Variants in ACTR1A observed in about 807,000 individuals in gnomAD.
ACTR1A encodes actin related protein 1A.
ACTR1A carries 10 observed loss-of-function variants against 50.7 expected under a neutral mutation model. The observed-to-expected ratio is 0.20, with a 90% CI of 0.12 to 0.33. The LOEUF is 0.33. ACTR1A is among the 10% of genes least tolerant of loss of function. The pLI is 1.00. For synonymous variants in ACTR1A, 177 were observed against 184.2 expected (o/e 0.96, Z 0.32); for missense variants, 253 against 491.7 (o/e 0.51, Z 4.59).
Position 102,482,380 on chromosome 10 carries a change from T to A in ACTR1A, c.751-205A>T, listed in dbSNP as rs1020995210. 1.0e-5 allele frequency: 6 copies of A among 591,572 alleles called. No homozygotes were observed. The highest frequency in any genetic ancestry group is 1.8e-5 in the Non-Finnish European group (6 of 334,726). The allele number at this position is 591,572 out of a possible 1,614,324, so 36.6% of individuals were successfully genotyped here. A position where few individuals can be genotyped will look rare whatever the true frequency, so the allele number is the denominator to read the frequency against. The stretch of plus-strand genomic sequence containing the variant: ...GTGAGGGGAGGCTCCTATATTTCCT[T>A]CTCGCTCTGGCATTTTCCAGCCAAG... On this transcript the variant is annotated intron_variant, in intron 7 of 10. Coordinates refer to ENST00000369905, the MANE Select transcript of ACTR1A (RefSeq NM_005736.4). The surrounding 1 kb of genome is among the most constrained non-coding windows in gnomAD (Gnocchi z 5.6).
chr10:102,484,190 A>T lies in ACTR1A; in HGVS notation c.627T>A (p.Ser209=), dbSNP rs1164534085. 1.1e-5 allele frequency: 18 copies of T among 1,614,030 alleles called. No individual in the cohort carries two copies. In the Admixed American group the frequency reaches 2.8e-4, roughly 25 times the overall value. ...TTATGGCCTTGACAATCTCAAACTC[A>T]GAGGATGAGTGGAAGTCGTAGCCCT... ...RKEGYDFHSS[S]EFEIVKAIKE... is the part of the protein sequence containing the mutation. The change falls in exon 6 of 11, where the codon TCT becomes TCA. Residue 209 remains serine (S), a synonymous_variant. Transcript: ENST00000369905.
At chr10:102,484,123 C>T in intron 6 of ACTR1A, 37 bp downstream of exon 6, 1 of 1,604,936 alleles carries the variant, frequency 6.2e-7, no homozygotes, top group Non-Finnish European at 8.5e-7. Flanking sequence ...TGCTCCCAAC[C>T]CCCACTCCAT....
At chr10:102,500,768 C>CA (rs371610540) in intron 1 of ACTR1A, among the ~76,000 whole-genome samples, 1 of 150,976 alleles carries the variant, frequency 6.6e-6, no homozygotes, top group Non-Finnish European at 1.5e-5. Context: ...TCCACCCCCC[C>CA]ACACCAAAAA....
Position 102,479,374 on chromosome 10 carries a change from T to A in ACTR1A, c.*1489A>T, listed in dbSNP as rs577323520. 2.7e-6 allele frequency: 1 copy of A among 369,378 alleles called. No individual in the cohort carries two copies. The highest frequency in any genetic ancestry group is 2.0e-5 in the South Asian group (1 of 49,038). The allele number at this position is 369,378 out of a possible 1,614,324, so 22.9% of individuals were successfully genotyped here. A position where few individuals can be genotyped will look rare whatever the true frequency, so the allele number is the denominator to read the frequency against. ...GCACTGCAGTCCGCGGGGCGCTACG[T>A]TGCTTTCACACATACCTGCTGCTGT... On this transcript the variant is annotated 3_prime_UTR_variant, in exon 11 of 11. Transcript: ENST00000369905. The surrounding 1 kb of genome is among the most constrained non-coding windows in gnomAD (Gnocchi z 4.0).
intron 1 of ACTR1A, among the ~76,000 whole-genome samples, chr10:102,498,695 A>G (rs1417386861): frequency 6.6e-6 from 1 of 151,656 alleles, no homozygotes; most frequent in Non-Finnish European, 1.5e-5. Context: ...CTGGTCTCCA[A>G]TTCCTGGGCT....
chr10:102,496,167 G>A (rs2135588705), intron 1 of ACTR1A, among the ~76,000 whole-genome samples: 1 of 152,250 alleles, frequency 6.6e-6, no homozygotes, highest in Non-Finnish European at 1.5e-5. Context: ...GGATGGTCTC[G>A]ATCTCCTGAC....
intron 1 of ACTR1A, among the ~76,000 whole-genome samples, chr10:102,497,921 C>T (rs1193572787): frequency 1.7e-5 from 2 of 118,688 alleles, no homozygotes; most frequent in African/African-American, 3.1e-5. Context: ...AGGGAGACCC[C>T]ATTTCTACAA....
rs1224499743 is a variant in ACTR1A at position 102,484,252 on chromosome 10, C to T, written c.565G>A (p.Asp189Asn). The change falls in exon 6 of 11, where the codon GAC becomes AAC. Residue 189 changes from aspartate to asparagine, a missense_variant. Asp to Asn is a conservative substitution (Grantham distance 23). This residue lies in a region of ACTR1A where 116 missense variants were observed against 155.9 expected (regional missense o/e 0.74). Transcript: ENST00000369905. The stretch of plus-strand genomic sequence containing the variant: ...TAGAGGCGCAGGAAGCGAGAGACGT[C>T]CCGGCCCGCGATGTCGATGCGCATG... ...SIMRIDIAGR[D>N]VSRFLRLYLR... 2.5e-6 allele frequency: 4 copies of T among 1,614,106 alleles called. No individual in the cohort carries two copies. Among genetic ancestry groups the T allele is most frequent in the Non-Finnish European group, 2.5e-6 (3 of 1,180,044 alleles).
chr10:102,481,055 T>C (rs541379256), intron 10 of ACTR1A, 77 bp downstream of exon 10: 1 of 1,588,802 alleles, frequency 6.3e-7, no homozygotes, highest in Admixed American at 1.7e-5. Flanking sequence ...CAAATCAGGC[T>C]TTTCTTTAGA....
At chr10:102,491,682 C>G (rs1374559808) in intron 1 of ACTR1A, among the ~76,000 whole-genome samples, 1 of 152,192 alleles carries the variant, frequency 6.6e-6, no homozygotes, top group Non-Finnish European at 1.5e-5. Flanking sequence ...AGGGCCCAAT[C>G]AATGTAAACA....
intron 8 of ACTR1A, 37 bp from the exon 9 acceptor site, chr10:102,481,935 CAG>C: frequency 6.2e-7 from 1 of 1,613,604 alleles, no homozygotes. Context: ...AGTCAATTCT[CAG>C]GGTGCCTGGA....
rs2062134827 is a variant in ACTR1A at position 102,480,740 on chromosome 10, C to T, written c.*123G>A. 4 of 826,430 alleles carry T rather than the reference C, an allele frequency of 4.8e-6. No individual in the cohort carries two copies. Among genetic ancestry groups the T allele is most frequent in the East Asian group, 4.9e-5 (2 of 41,078 alleles). The allele number at this position is 826,430 out of a possible 1,614,324, so 51.2% of individuals were successfully genotyped here. A position where few individuals can be genotyped will look rare whatever the true frequency, so the allele number is the denominator to read the frequency against. ...CAGGGCCACACGGCACTCGCATGTG[C>T]ACACACACTCATATCCACACACGCA... On this transcript the variant is annotated 3_prime_UTR_variant, in exon 11 of 11. Coordinates refer to ENST00000369905, the MANE Select transcript of ACTR1A (RefSeq NM_005736.4).
chr10:102,497,646 A>T (rs2062228643), intron 1 of ACTR1A, among the ~76,000 whole-genome samples: 1 of 134,338 alleles, frequency 7.4e-6, no homozygotes, highest in Admixed American at 7.6e-5. Flanking sequence ...GGTGGAAAGG[A>T]GCACAATTTT....
intron 1 of ACTR1A, among the ~76,000 whole-genome samples, chr10:102,498,876 CTA>C (rs1356303213): frequency 6.6e-6 from 1 of 152,142 alleles, no homozygotes; most frequent in Non-Finnish European, 1.5e-5. Flanking sequence ...ACACTATTCT[CTA>C]TGTCTTTGGG....
chr10:102,483,458 C>A, intron 6 of ACTR1A: 1 of 202,008 alleles, frequency 5.0e-6, no homozygotes, highest in Admixed American at 5.7e-5. Flanking sequence ...TCCCTATAGC[C>A]ACAGGTGGCA....
intron 1 of ACTR1A, among the ~76,000 whole-genome samples, chr10:102,494,993 T>C (rs950762266): frequency 2.6e-5 from 4 of 151,928 alleles, no homozygotes; most frequent in East Asian, 2.0e-4. Flanking sequence ...GTATTTTTAG[T>C]GTAGAGGGGG....
intron 1 of ACTR1A, among the ~76,000 whole-genome samples, chr10:102,501,248 GCTC>G (rs776908007): frequency 1.3e-5 from 2 of 152,152 alleles, no homozygotes; most frequent in African/African-American, 2.4e-5. Flanking sequence ...CTGATGACTG[GCTC>G]CTCAATTCCT....
chr10:102,501,835 A>C (rs541594260), intron 1 of ACTR1A, among the ~76,000 whole-genome samples: 3 of 152,208 alleles, frequency 2.0e-5, no homozygotes, highest in Non-Finnish European at 4.4e-5. Context: ...TAAGTTTGGT[A>C]ATTTTTTCCC....
At chr10:102,489,990 C>T (rs560626155) in intron 2 of ACTR1A, among the ~76,000 whole-genome samples, 1 of 152,164 alleles carries the variant, frequency 6.6e-6, no homozygotes, top group African/African-American at 2.4e-5. Context: ...AATCCCAGCA[C>T]TTTGGGAGGC....
Sources: gnomAD v4.1 joint callset for allele counts (sites outside exome capture counted in the v4.1 genomes callset) on GRCh38, gnomAD v4.1.1 for gene constraint, gnomAD v4.1.1 regional missense constraint, Gnocchi (gnomAD v3.1) non-coding constraint, MANE v1.5 for transcripts, NCBI Gene and HGNC (gene_info 2026-07-23, HGNC 2026-07-21) for gene names.